STAT5A: variants seen among roughly 807,000 people sequenced by gnomAD.
STAT5A encodes signal transducer and activator of transcription 5A.
Under a neutral mutation model 100.2 loss-of-function variants are expected in STAT5A, and 26 were observed. The observed-to-expected ratio is 0.26, with a 90% CI of 0.19 to 0.36. The LOEUF is 0.36. STAT5A is among the 10% of genes least tolerant of loss of function. The pLI, the probability that STAT5A is intolerant of heterozygous loss-of-function variation, is 1.00. For missense variants in STAT5A, 634 were observed against 1,027.5 expected, an observed-to-expected ratio of 0.62 and a Z score of 5.24; for synonymous variants, 330 against 424.3, an observed-to-expected ratio of 0.78 and a Z score of 2.73.
At chr17:42,291,876 G>A in intron 3 of STAT5A, 96 bp from the exon 4 acceptor site, 1 of 1,339,100 alleles carries the variant, frequency 7.5e-7, no homozygotes, top group Non-Finnish European at 1.0e-6. Flanking sequence ...GAAAAGCTGA[G>A]GCAGAGGCTG....
intron 3 of STAT5A, among the ~76,000 whole-genome samples, chr17:42,290,370 G>A (rs1024161531): frequency 1.2e-4 from 18 of 152,140 alleles, no homozygotes; most frequent in African/African-American, 4.3e-4. Flanking sequence ...CTCCCTCTTG[G>A]GGTCTTTTAA....
rs2081042857 is a variant in STAT5A at position 42,307,678 on chromosome 17, G to A, written c.1861G>A (p.Asp621Asn). ...CGGGACCTTCTTGTTGCGCTTTAGT[G>A]ACTCAGAAATCGGGGGCATCACCAT... ...PDGTFLLRFS[D>N]SEIGGITIAW... is the part of the protein sequence containing the mutation. The change falls in exon 15 of 19, where the codon GAC becomes AAC. Residue 621 changes from aspartate to asparagine, a missense_variant. Physicochemically the swap from Asp to Asn is conservative, Grantham distance 23. Coordinates refer to ENST00000590949, the MANE Select transcript of STAT5A (RefSeq NM_001288718.2). 6.2e-7 allele frequency: 1 copy of A among 1,614,020 alleles called. No individual in the cohort carries two copies. The highest frequency in any genetic ancestry group is 1.3e-5 in the African/African-American group (1 of 74,918).
Position 42,304,225 on chromosome 17 carries a change from C to G in STAT5A, c.1170-117C>G. ...CGCCAAGAAACACTCTTAGGGGATACGGGGCAGGGGCTGCTGGCAGGGCTG... is the reference window on the plus strand; with the variant it reads ...CGCCAAGAAACACTCTTAGGGGATAGGGGGCAGGGGCTGCTGGCAGGGCTG... On this transcript the variant is annotated intron_variant, in intron 9 of 18. Transcript: ENST00000590949. This position sits in a 1 kb window ranked among gnomAD's most constrained non-coding sequence, Gnocchi z 4.8. The G allele has an allele frequency of 4.4e-6, 4 of 911,448 alleles. No homozygotes were observed. The highest frequency in any genetic ancestry group is 3.4e-6 in the Non-Finnish European group (2 of 582,576). 56.5% of individuals were successfully genotyped at this position (911,448 alleles called of 1,614,324 possible).
chr17:42,305,486 G>A lies in STAT5A; in HGVS notation c.1381-124G>A. ...CATTGCACTCCAGCCTGGGCAACAAGAGTGAAACTCCATATCAAAAAAAAA... is the reference window on the plus strand; with the variant it reads ...CATTGCACTCCAGCCTGGGCAACAAAAGTGAAACTCCATATCAAAAAAAAA... On this transcript the variant is annotated intron_variant, in intron 11 of 18. Coordinates refer to ENST00000590949, the MANE Select transcript of STAT5A (RefSeq NM_001288718.2). 5 of 751,082 alleles carry A rather than the reference G, an allele frequency of 6.7e-6. No individual in the cohort carries two copies. The Middle Eastern group carries it at 1.4e-3, about 207-fold the overall frequency. The allele number at this position is 751,082 out of a possible 1,614,324, so 46.5% of individuals were successfully genotyped here.
At chr17:42,297,732 C>T (rs2354154) in intron 5 of STAT5A, among the ~76,000 whole-genome samples, 83 of 151,932 alleles carry the variant, frequency 5.5e-4, no homozygotes, top group African/African-American at 1.7e-3. Flanking sequence ...GCAGACACCT[C>T]GGATCTGTCC....
rs528450802 is a variant in STAT5A, at chr17:42,292,794, T to A, written c.375+733T>A. Among the ~76,000 whole-genome samples, 21 of 150,870 alleles carry A rather than the reference T, an allele frequency of 1.4e-4. No individual in the cohort carries two copies. In the South Asian group the frequency reaches 4.4e-3, roughly 32 times the overall value. ...GGTGCCCACCACCATGCCCGGCTAA[T>A]TTTTTTTGTATTTTTAGTAGAGACG... On this transcript the variant is annotated intron_variant, in intron 4 of 18. Transcript: ENST00000590949.
intron 7 of STAT5A, among the ~76,000 whole-genome samples, 186 bp downstream of exon 7, chr17:42,300,467 G>A (rs1289830954): frequency 6.6e-6 from 1 of 152,174 alleles, no homozygotes; most frequent in Non-Finnish European, 1.5e-5. Flanking sequence ...CAGGAAGGGG[G>A]CTGCTGTCCT....
Position 42,299,774 on chromosome 17 carries a change from C to G in STAT5A, c.574C>G (p.Leu192Val). 6.2e-7 allele frequency: 1 copy of G among 1,614,186 alleles called. No individual in the cohort carries two copies. The highest frequency in any genetic ancestry group is 8.5e-7 in the Non-Finnish European group (1 of 1,180,030). ...AGCTCAGTTTGCCCAGCTGGCCCAG[C>G]TGAGCCCCCAGGAGCGTCTGAGCCG... ...IQAQFAQLAQ[L>V]SPQERLSRET... Residue 192 changes from leucine to valine, a missense_variant, in exon 6 of 19, where the codon CTG (leucine) becomes GTG (valine). Leu to Val is a conservative substitution (Grantham distance 32). This residue lies in a region of STAT5A where 207 missense variants were observed against 256.6 expected (regional missense o/e 0.81). Coordinates refer to ENST00000590949, the MANE Select transcript of STAT5A (RefSeq NM_001288718.2).
In STAT5A at chr17:42,298,254, G is replaced by A. The variant is rs546669110; in HGVS notation, c.551-1497G>A. ...TCGGCTCACTGCAACCTTTAACCCCGGGTTCAAGCAATTCTCCTGCCTCAG... is the reference window on the plus strand; with the variant it reads ...TCGGCTCACTGCAACCTTTAACCCCAGGTTCAAGCAATTCTCCTGCCTCAG... On this transcript the variant is annotated intron_variant, in intron 5 of 18. Transcript: ENST00000590949. 6.6e-5 allele frequency among the ~76,000 whole-genome samples: 10 copies of A among 150,850 alleles called. No homozygotes were observed. The East Asian group carries it at 1.6e-3, about 24-fold the overall frequency.
In STAT5A at chr17:42,308,638, T is replaced by C. The variant is rs2081052022; in HGVS notation, c.2062+305T>C. 2.0e-6 allele frequency: 1 copy of C among 496,786 alleles called. No individual in the cohort carries two copies. Among genetic ancestry groups the C allele is most frequent in the Non-Finnish European group, 3.6e-6 (1 of 274,350 alleles). The allele number at this position is 496,786 out of a possible 1,614,324, so 30.8% of individuals were successfully genotyped here. On this transcript the variant is annotated intron_variant, in intron 16 of 18. Coordinates refer to ENST00000590949, the MANE Select transcript of STAT5A (RefSeq NM_001288718.2). This position sits in a 1 kb window ranked among gnomAD's most constrained non-coding sequence, Gnocchi z 4.6. The stretch of plus-strand genomic sequence containing the variant: ...GGCCGGGATCATTCGAGCCCACAGA[T>C]AGTGCTCCGCTCCCCACCTCACCAG...
At chr17:42,299,715 G>T in intron 5 of STAT5A, 36 bp from the exon 6 acceptor site, 1 of 1,614,112 alleles carries the variant, frequency 6.2e-7, no homozygotes. Flanking sequence ...TGGACACTAG[G>T]AGGTGATGGT....
intron 12 of STAT5A, 141 bp downstream of exon 12, chr17:42,305,843 G>A: frequency 1.1e-6 from 1 of 872,148 alleles, no homozygotes; most frequent in Non-Finnish European, 1.7e-6. Flanking sequence ...CAGAAGGGCT[G>A]GGGTGCTGGG....
intron 6 of STAT5A, 74 bp from the exon 7 acceptor site, chr17:42,300,056 C>T: frequency 8.7e-7 from 1 of 1,155,052 alleles, no homozygotes; most frequent in Non-Finnish European, 1.2e-6. Flanking sequence ...TGGGCCCTGC[C>T]CTGCCATTTC....
intron 9 of STAT5A, among the ~76,000 whole-genome samples, chr17:42,302,808 C>T (rs1442470759): frequency 6.6e-6 from 1 of 151,740 alleles, no homozygotes; most frequent in African/African-American, 2.4e-5. Context: ...GTAACGTACA[C>T]CTGTAGCTCC....
At chr17:42,303,044 G>A (rs551663935) in intron 9 of STAT5A, among the ~76,000 whole-genome samples, 3 of 151,568 alleles carry the variant, frequency 2.0e-5, no homozygotes, top group South Asian at 2.1e-4. Context: ...TCAGGAGTTC[G>A]AGACCAGCCT....
intron 4 of STAT5A, among the ~76,000 whole-genome samples, chr17:42,295,124 C>T (rs2080906478): frequency 2.6e-5 from 4 of 152,178 alleles, no homozygotes. Flanking sequence ...CCTCTTCCTT[C>T]AGTCACAAGG....
intron 8 of STAT5A, 79 bp from the exon 9 acceptor site, chr17:42,301,196 A>C (rs1598361256): frequency 1.9e-6 from 3 of 1,554,244 alleles, no homozygotes; most frequent in Admixed American, 1.8e-5. Flanking sequence ...AGGCAGCCCC[A>C]CCCCCACCAC....
chr17:42,308,402 T>A lies in STAT5A; in HGVS notation c.2062+69T>A. The A allele has an allele frequency of 6.2e-7, 1 of 1,609,054 alleles. No homozygotes were observed. The highest frequency in any genetic ancestry group is 8.5e-7 in the Non-Finnish European group (1 of 1,177,710). On this transcript the variant is annotated intron_variant, in intron 16 of 18. Transcript: ENST00000590949. The surrounding 1 kb of genome is among the most constrained non-coding windows in gnomAD (Gnocchi z 4.6). ...CTTCCCCAGCCCATAGACAAAGCCT[T>A]GGGCTGCGCCGTGGGGACTTCCCCA...
At chr17:42,296,144 C>A (rs1291052315) in intron 5 of STAT5A, among the ~76,000 whole-genome samples, 1 of 152,122 alleles carries the variant, frequency 6.6e-6, no homozygotes, top group Non-Finnish European at 1.5e-5. Flanking sequence ...CTTTATTAAC[C>A]AGTATTCTCT....
Sources: gnomAD v4.1 joint callset for allele counts (sites outside exome capture counted in the v4.1 genomes callset) on GRCh38, gnomAD v4.1.1 for gene constraint, gnomAD v4.1.1 regional missense constraint, Gnocchi (gnomAD v3.1) non-coding constraint, MANE v1.5 for transcripts, NCBI Gene and HGNC (gene_info 2026-07-23, HGNC 2026-07-21) for gene names.